The following PEAK1 variants were observed in gnomAD, a reference collection of about 807,000 sequenced individuals.
The protein encoded by PEAK1 is pseudopodium enriched atypical kinase 1, also known as inactive tyrosine-protein kinase PEAK1.
PEAK1 carries 54 observed loss-of-function variants against 124.7 expected under a neutral mutation model. That is an observed-to-expected ratio of 0.43 (90% confidence interval 0.35 to 0.54). The LOEUF (loss-of-function observed/expected upper bound fraction) is 0.54. PEAK1 is among the 20% of genes least tolerant of loss of function. The pLI, the probability that PEAK1 is intolerant of heterozygous loss-of-function variation, is 0.01. For synonymous variants in PEAK1, 719 were observed against 760.0 expected (o/e 0.95, Z 0.89); for missense variants, 2,046 against 2,134.5 (o/e 0.96, Z 0.82).
At chr15:77,205,085 A>C in intron 6 of PEAK1, 1 of 229,792 alleles carries the variant, frequency 4.4e-6, no homozygotes, top group South Asian at 5.7e-5. Context: ...GAGAGAAAGA[A>C]GCCAAGTCTG....
intron 1 of PEAK1, among the ~76,000 whole-genome samples, chr15:77,368,741 A>T (rs2068436492): frequency 6.6e-6 from 1 of 152,216 alleles, no homozygotes; most frequent in African/African-American, 2.4e-5. Flanking sequence ...TAGTGAGAAA[A>T]TACTTGTTTC....
At chr15:77,346,112 A>G (rs1479366283) in intron 2 of PEAK1, 1 of 985,340 alleles carries the variant, frequency 1.0e-6, no homozygotes, top group Non-Finnish European at 1.2e-6. Flanking sequence ...AGTTCCAACC[A>G]AGAGTCAAAG....
chr15:77,218,929 A>G (rs1182735944), intron 6 of PEAK1, among the ~76,000 whole-genome samples: 1 of 152,130 alleles, frequency 6.6e-6, no homozygotes, highest in Non-Finnish European at 1.5e-5. Flanking sequence ...TAAACTGCTC[A>G]AGGAAAGGTA....
At chr15:77,150,962 G>T (rs531463732) in intron 8 of PEAK1, among the ~76,000 whole-genome samples, 3 of 151,946 alleles carry the variant, frequency 2.0e-5, no homozygotes, top group Non-Finnish European at 4.4e-5. Flanking sequence ...GAATAATGCC[G>T]CAATAAACAT....
At chr15:77,383,023 T>A (rs1176777444) in intron 1 of PEAK1, among the ~76,000 whole-genome samples, 1 of 148,336 alleles carries the variant, frequency 6.7e-6, no homozygotes, top group Non-Finnish European at 1.5e-5. Context: ...TATCTCCTTT[T>A]TTTTTTTTTT....
At chr15:77,191,409 C>A (rs965657131) in intron 6 of PEAK1, among the ~76,000 whole-genome samples, 9 of 152,210 alleles carry the variant, frequency 5.9e-5, no homozygotes, top group Non-Finnish European at 1.0e-4. Context: ...CATATCCACA[C>A]CCCATCTTGA....
chr15:77,106,526 GCTAA>G (rs1432806169), downstream of PEAK1: 2 of 152,198 alleles, frequency 1.3e-5, no homozygotes, highest in Admixed American at 1.3e-4. Flanking sequence ...ACCAAGCCCG[GCTAA>G]CTTTTTTGTG....
chr15:77,119,028 A>C (rs2051653874), intron 9 of PEAK1, among the ~76,000 whole-genome samples: 1 of 152,274 alleles, frequency 6.6e-6, no homozygotes, highest in South Asian at 2.1e-4. Flanking sequence ...TAAACTGTGC[A>C]GCAGGAGAAC....
chr15:77,409,432 G>A (rs1348610461), intron 1 of PEAK1, among the ~76,000 whole-genome samples: 1 of 152,136 alleles, frequency 6.6e-6, no homozygotes, highest in East Asian at 1.9e-4. Flanking sequence ...TTCCCAAGTG[G>A]TAAAGATGAG....
At position 77,133,463 on chromosome 15, in the gene PEAK1, G is replaced by C; in HGVS notation, c.3619C>G (p.Leu1207Val). ...SSAGSSISYELKGLDIESYDS... is the reference protein window; with the variant it reads ...SSAGSSISYEVKGLDIESYDS... ...TAAGACTCAATGTCCAGTCCTTTGA[G>C]TTCATAGCTGATGGAAGAACCAGCA... Residue 1207 changes from leucine to valine, a missense_variant, in exon 9 of 10, where the codon CTC (leucine) becomes GTC (valine). Transcript: ENST00000682557. This position sits in a 1 kb window ranked among gnomAD's most constrained non-coding sequence, Gnocchi z 4.2. 1 of 1,614,242 alleles carries C rather than the reference G, an allele frequency of 6.2e-7. No homozygotes were observed.
At chr15:77,144,790 A>G (rs1438631263) in intron 8 of PEAK1, among the ~76,000 whole-genome samples, 1 of 152,198 alleles carries the variant, frequency 6.6e-6, no homozygotes, top group African/African-American at 2.4e-5. Context: ...TTGCGCTTTT[A>G]GTTTTTTTCC....
intron 2 of PEAK1, chr15:77,348,956 T>C: frequency 1.1e-6 from 1 of 948,472 alleles, no homozygotes; most frequent in Non-Finnish European, 1.3e-6. Flanking sequence ...TCTCTTAAAA[T>C]AGAGATTTAA....
intron 1 of PEAK1, among the ~76,000 whole-genome samples, chr15:77,378,188 TTATATA>T (rs758426465): frequency 1.0e-4 from 13 of 129,694 alleles, no homozygotes; most frequent in Admixed American, 3.9e-4. Flanking sequence ...TATAACAATA[TTATATA>T]TATATATATA....
chr15:77,263,561 G>A (rs1259362718), intron 5 of PEAK1, among the ~76,000 whole-genome samples: 1 of 152,104 alleles, frequency 6.6e-6, no homozygotes, highest in Non-Finnish European at 1.5e-5. Flanking sequence ...CCAGGAAGAA[G>A]CTGAATCTCT....
chr15:77,411,131 A>G (rs1270516249), intron 1 of PEAK1, among the ~76,000 whole-genome samples: 1 of 151,912 alleles, frequency 6.6e-6, no homozygotes, highest in African/African-American at 2.4e-5. Flanking sequence ...GTCTAAGACC[A>G]CATGTGAAAG....
chr15:77,113,808 G>A lies in PEAK1; in HGVS notation c.*348C>T, dbSNP rs1439116755. On this transcript the variant is annotated 3_prime_UTR_variant, in exon 10 of 10. Transcript: ENST00000682557. The stretch of plus-strand genomic sequence containing the variant: ...GATAGGTGATATCCAGAATTATGGA[G>A]GAAATGGACACAGCTCACTGGCTGA... The A allele has an allele frequency of 3.7e-6, 1 of 266,784 alleles. No homozygotes were observed. Among genetic ancestry groups the A allele is most frequent in the Non-Finnish European group, 7.1e-6 (1 of 139,994 alleles). The allele number at this position is 266,784 out of a possible 1,614,324, so 16.5% of individuals were successfully genotyped here.
rs548173889 is a variant in PEAK1 at position 77,138,238 on chromosome 15, C to T, written c.3332-4488G>A. 1.2e-4 allele frequency among the ~76,000 whole-genome samples: 18 copies of T among 152,188 alleles called. 1 individual carries two copies. The South Asian group carries it at 3.7e-3, about 32-fold the overall frequency. On this transcript the variant is annotated intron_variant, in intron 8 of 9. Coordinates refer to ENST00000682557, the MANE Select transcript of PEAK1 (RefSeq NM_001385026.1). ...ATGTAGAAAAGGTACAGTAAAAATA[C>T]AGTATAAAAGATAAAAAATGGTATG...
At chr15:77,242,129 T>C (rs2060385448) in intron 6 of PEAK1, among the ~76,000 whole-genome samples, 1 of 152,090 alleles carries the variant, frequency 6.6e-6, no homozygotes, top group East Asian at 1.9e-4. Context: ...TAAACAGGGT[T>C]TAGTAAATAT....
At chr15:77,223,886 A>ATTTTTTTTTTTTTTTTTT (rs10719377) in intron 6 of PEAK1, among the ~76,000 whole-genome samples, 11 of 121,604 alleles carry the variant, frequency 9.0e-5, no homozygotes, top group Admixed American at 1.7e-4. Context: ...CATTTGAGAG[A>ATTTTTTTTTTTTTTTTTT]TTTTTTTTTT....
Sources: allele counts gnomAD v4.1 joint callset (sites outside exome capture counted in the v4.1 genomes callset), GRCh38; gene constraint gnomAD v4.1.1; non-coding constraint Gnocchi (gnomAD v3.1); transcripts MANE v1.5; gene names NCBI Gene and HGNC (gene_info 2026-07-23, HGNC 2026-07-21).